The following RNF212B variants were observed in gnomAD, a reference collection of about 807,000 sequenced individuals.
RNF212B encodes ring finger protein 212B.
Under a neutral mutation model 55.5 loss-of-function variants are expected in RNF212B, and 52 were observed. That is an observed-to-expected ratio of 0.94 (90% CI 0.75 to 1.18). RNF212B has a LOEUF of 1.18. Among genes scored for constraint, RNF212B ranks in the 50% most tolerant of loss-of-function variants. The pLI, the probability that RNF212B is intolerant of heterozygous loss-of-function variation, is 0.00. For missense variants in RNF212B, 289 were observed against 350.4 expected, an observed-to-expected ratio of 0.82 and a Z score of 1.40; for synonymous variants, 99 against 121.4, an observed-to-expected ratio of 0.82 and a Z score of 1.21.
At chr14:23,255,935 ACTG>A (rs778572520) in intron 4 of RNF212B, among the ~76,000 whole-genome samples, 6 of 152,102 alleles carry the variant, frequency 3.9e-5, no homozygotes, top group Admixed American at 6.6e-5. Flanking sequence ...AGGCAAAATC[ACTG>A]CTTCTTTAAT....
At chr14:23,237,255 C>A, upstream of RNF212B, among the ~76,000 whole-genome samples, 1 of 151,880 alleles carries the variant, frequency 6.6e-6, no homozygotes, top group Non-Finnish European at 1.5e-5. Context: ...TCAGCCTCCT[C>A]AGTAGCTGAG....
At chr14:23,241,049 T>A (rs1207950690) in intron 2 of RNF212B, among the ~76,000 whole-genome samples, 1 of 152,144 alleles carries the variant, frequency 6.6e-6, no homozygotes, top group Non-Finnish European at 1.5e-5. Flanking sequence ...TCTTTTTTTT[T>A]AATGCTGCAA....
At chr14:23,220,544 A>T (rs889882896) in intron 2 of RNF212B, among the ~76,000 whole-genome samples, 5 of 150,220 alleles carry the variant, frequency 3.3e-5, no homozygotes, top group Admixed American at 3.3e-4. Context: ...AAAACAAAAC[A>T]GCCGGGCTCG....
intron 2 of RNF212B, 92 bp from the exon 3 acceptor site, chr14:23,243,164 C>A: frequency 1.2e-6 from 1 of 848,172 alleles, no homozygotes; most frequent in South Asian, 1.6e-5. Context: ...TCTTCCTTTG[C>A]TAGCATACTA....
At position 23,250,288 on chromosome 14, in the gene RNF212B, G is replaced by A. The variant is rs544897632; in HGVS notation, c.228+5892G>A. ...GAGGTCAGGGGTTCAAGATCAGCCT[G>A]GCCAATATGGTAAAACCCTGTCTCT... is the stretch of plus-strand genomic sequence containing the variant. On this transcript the variant is annotated intron_variant, in intron 4 of 14. Transcript: ENST00000430154. 5.9e-5 allele frequency among the ~76,000 whole-genome samples: 9 copies of A among 152,126 alleles called. No homozygotes were observed. In the East Asian group the frequency reaches 1.7e-3, roughly 29 times the overall value.
rs917151343 is a variant in RNF212B at position 23,267,555 on chromosome 14, A to G, written c.635-1369A>G. Among the ~76,000 whole-genome samples, 4 of 151,600 alleles carry G rather than the reference A, an allele frequency of 2.6e-5. No homozygotes were observed. In the South Asian group the frequency reaches 8.3e-4, roughly 31 times the overall value. On this transcript the variant is annotated intron_variant, in intron 11 of 14. Transcript: ENST00000430154. The stretch of plus-strand genomic sequence containing the variant: ...GTGATTTTTGTGCCTCAGCCTCTTT[A>G]GTAGCTGGGATTATAGGCATGTGCC...
At chr14:23,203,614 G>A (rs58719841) in intron 2 of RNF212B, among the ~76,000 whole-genome samples, 1 of 151,854 alleles carries the variant, frequency 6.6e-6, no homozygotes, top group East Asian at 1.9e-4. Flanking sequence ...AAGTAGCTGA[G>A]ATTATAAGTG....
intron 2 of RNF212B, among the ~76,000 whole-genome samples, chr14:23,228,540 C>A (rs1474349356): frequency 5.4e-5 from 8 of 148,376 alleles, no homozygotes; most frequent in Non-Finnish European, 1.2e-4. Context: ...GGAGGATGAG[C>A]AGGGAGGATG....
intron 3 of RNF212B, among the ~76,000 whole-genome samples, chr14:23,244,013 G>C (rs558847955): frequency 6.6e-6 from 1 of 151,840 alleles, no homozygotes; most frequent in South Asian, 2.1e-4. Context: ...AAAAGGCGAG[G>C]GTTGCAATGA....
At chr14:23,243,069 G>A (rs528249518) in intron 2 of RNF212B, among the ~76,000 whole-genome samples, 187 bp from the exon 3 acceptor site, 1 of 151,414 alleles carries the variant, frequency 6.6e-6, no homozygotes, top group Admixed American at 6.6e-5. Context: ...TATTAGTTTG[G>A]AAACACTTGT....
rs536706746 is a variant in RNF212B at position 23,219,568 on chromosome 14, T to C, written c.-1-20777T>C. On this transcript the variant is annotated intron_variant, in intron 2 of 15. Transcript: ENST00000399910. The stretch of plus-strand genomic sequence containing the variant: ...CTCACTGCAACCTCTGCCACCTGGG[T>C]TCAAGTGATTCTTGTGCCTTAGCCT... Among the ~76,000 whole-genome samples, 4 of 151,418 alleles carry C rather than the reference T, an allele frequency of 2.6e-5. No homozygotes were observed. The South Asian group carries it at 8.3e-4, about 32-fold the overall frequency.
In RNF212B at chr14:23,209,544, T is replaced by C. The variant is rs547327533; in HGVS notation, c.-2+16143T>C. Among the ~76,000 whole-genome samples, 3 of 152,266 alleles carry C rather than the reference T, an allele frequency of 2.0e-5. No homozygotes were observed. The East Asian group carries it at 5.8e-4, about 29-fold the overall frequency. ...CCTCCATACTGATATAAACAAATGA[T>C]TGACTAAAAGACTAAATGGTGGAGT... On this transcript the variant is annotated intron_variant, in intron 2 of 15. Coordinates refer to the RNF212B transcript ENST00000399910.
chr14:23,254,285 TCAAAAA>T (rs1022776357), intron 4 of RNF212B, among the ~76,000 whole-genome samples: 10 of 96,574 alleles, frequency 1.0e-4, no homozygotes, highest in African/African-American at 4.8e-4. Flanking sequence ...ACTCTTTATC[TCAAAAA>T]CAAAACAAAA....
rs1041066248 is a variant in RNF212B at position 23,229,759 on chromosome 14, CT to C, written c.-1-10578del. On this transcript the variant is annotated intron_variant, in intron 2 of 15. Coordinates refer to the RNF212B transcript ENST00000399910. ...TTGACTTTTTTGTTGTTGAGTTGTT[CT>C]TTTTTTTGAAACAAGAGTTCTCACA... is the stretch of plus-strand genomic sequence containing the variant. 7.9e-5 allele frequency among the ~76,000 whole-genome samples: 12 copies of C among 151,746 alleles called. No individual in the cohort carries two copies. In the South Asian group the frequency reaches 2.5e-3, roughly 32 times the overall value.
chr14:23,220,185 GAAAAACAAAAACAAAAAC>G (rs55781375), intron 2 of RNF212B, among the ~76,000 whole-genome samples: 2,023 of 144,212 alleles, frequency 0.014, 43 homozygotes, highest in African/African-American at 0.047. Flanking sequence ...ACTGTCTCGG[GAAAAACAAAAACAAAAAC>G]AAAAACAAAA....
chr14:23,238,773 T>TAATA (rs1555316034), intron 1 of RNF212B, among the ~76,000 whole-genome samples: 13 of 146,610 alleles, frequency 8.9e-5, no homozygotes, highest in African/African-American at 3.2e-4. Context: ...ATAATAATAA[T>TAATA]AATAATAATC....
At chr14:23,193,718 A>G (rs957580686) in intron 2 of RNF212B, among the ~76,000 whole-genome samples, 1 of 150,942 alleles carries the variant, frequency 6.6e-6, no homozygotes, top group Non-Finnish European at 1.5e-5. Context: ...ATATGTAGAT[A>G]GTCATAATAA....
chr14:23,266,405 T>TG (rs1491356055), intron 11 of RNF212B, among the ~76,000 whole-genome samples: 2 of 55,712 alleles, frequency 3.6e-5, no homozygotes, highest in East Asian at 1.0e-3. Flanking sequence ...CTTTTAAATG[T>TG]TTTTTTTTTT....
At chr14:23,202,451 T>TG (rs1879393713) in intron 2 of RNF212B, among the ~76,000 whole-genome samples, 1 of 152,172 alleles carries the variant, frequency 6.6e-6, no homozygotes, top group Non-Finnish European at 1.5e-5. Context: ...TGATAGTCCC[T>TG]GGGCCTTGAG....
Sources: allele counts gnomAD v4.1 joint callset (sites outside exome capture counted in the v4.1 genomes callset), GRCh38; gene constraint gnomAD v4.1.1; transcripts MANE v1.5; gene names NCBI Gene and HGNC (gene_info 2026-07-23, HGNC 2026-07-21).